Variants in GRAMD1B observed in about 807,000 individuals in gnomAD.
GRAMD1B encodes the protein protein Aster-B.
A neutral mutation model predicts 99.7 loss-of-function variants in GRAMD1B; 37 were observed. That is an observed-to-expected ratio of 0.37 (90% CI 0.29 to 0.49). The LOEUF (loss-of-function observed/expected upper bound fraction) is 0.49. Among genes scored for constraint, GRAMD1B ranks in the 20% least tolerant of loss-of-function variants. The pLI, the probability that GRAMD1B is intolerant of heterozygous loss-of-function variation, is 0.98. For missense variants in GRAMD1B, 888 were observed against 1,009.2 expected, an observed-to-expected ratio of 0.88 and a Z score of 1.63; for synonymous variants, 427 against 387.6, an observed-to-expected ratio of 1.10 and a Z score of -1.19.
chr11:123,420,048 T>C (rs1166283221), intron 1 of GRAMD1B, among the ~76,000 whole-genome samples: 1 of 152,190 alleles, frequency 6.6e-6, no homozygotes, highest in African/African-American at 2.4e-5. Context: ...CTGACTACAT[T>C]CTGGAAACAA....
intron 3 of GRAMD1B, among the ~76,000 whole-genome samples, chr11:123,578,112 G>T (rs1592098695): frequency 6.6e-6 from 1 of 152,290 alleles, no homozygotes; most frequent in Admixed American, 6.5e-5. Flanking sequence ...GAGTACCGGG[G>T]CCCTTGGCCC....
chr11:123,517,077 G>A (rs1022524231), intron 2 of GRAMD1B, among the ~76,000 whole-genome samples: 1 of 152,022 alleles, frequency 6.6e-6, no homozygotes, highest in Non-Finnish European at 1.5e-5. Context: ...ACACCACCAC[G>A]TCCAGCTAAT....
At chr11:123,373,307 A>G (rs1034748956) in intron 1 of GRAMD1B, among the ~76,000 whole-genome samples, 2 of 151,910 alleles carry the variant, frequency 1.3e-5, no homozygotes, top group East Asian at 3.9e-4. Context: ...TGAGATTTAG[A>G]TAGCACGGGC....
chr11:123,415,143 G>T (rs1256848834), intron 1 of GRAMD1B, among the ~76,000 whole-genome samples: 1 of 111,652 alleles, frequency 9.0e-6, no homozygotes, highest in African/African-American at 3.6e-5. Flanking sequence ...TGGCTCTGTC[G>T]CCAGGCTGGA....
At chr11:123,525,426 G>A (rs377196105) in intron 2 of GRAMD1B, among the ~76,000 whole-genome samples, 11 of 152,124 alleles carry the variant, frequency 7.2e-5, no homozygotes, top group Non-Finnish European at 1.5e-4. Context: ...CCCCTCCCCC[G>A]CAGGGGTGGG....
intron 1 of GRAMD1B, among the ~76,000 whole-genome samples, chr11:123,371,448 T>C (rs1387569601): frequency 1.3e-5 from 2 of 152,168 alleles, no homozygotes; most frequent in Non-Finnish European, 2.9e-5. Context: ...TTTTAAAGGT[T>C]GAGTTATTTT....
At chr11:123,452,645 C>CAA (rs556959788) in intron 1 of GRAMD1B, among the ~76,000 whole-genome samples, 2 of 142,880 alleles carry the variant, frequency 1.4e-5, no homozygotes, top group South Asian at 2.2e-4. Context: ...GACTCTGTCT[C>CAA]AAAAAAAAAA....
At chr11:123,537,297 TG>T (rs1189034495) in intron 2 of GRAMD1B, among the ~76,000 whole-genome samples, 1 of 152,208 alleles carries the variant, frequency 6.6e-6, no homozygotes, top group Non-Finnish European at 1.5e-5. Context: ...GACCTCTTTT[TG>T]GGCCCTTTCT....
intron 1 of GRAMD1B, among the ~76,000 whole-genome samples, chr11:123,416,837 G>A (rs1948247007): frequency 6.6e-6 from 1 of 152,172 alleles, no homozygotes; most frequent in African/African-American, 2.4e-5. Context: ...AGTGCTTTAT[G>A]TGTATTATCT....
intron 1 of GRAMD1B, among the ~76,000 whole-genome samples, chr11:123,443,509 C>T (rs1949503073): frequency 6.6e-6 from 1 of 151,838 alleles, no homozygotes; most frequent in African/African-American, 2.4e-5. Context: ...AAAGGTTGAA[C>T]AGTTCGAAGC....
intron 6 of GRAMD1B, 75 bp downstream of exon 6, chr11:123,594,913 T>A: frequency 1.3e-6 from 1 of 796,122 alleles, no homozygotes; most frequent in East Asian, 2.4e-5. Flanking sequence ...TTTCTTCCTT[T>A]TGCTGACTTC....
intron 2 of GRAMD1B, among the ~76,000 whole-genome samples, chr11:123,521,771 T>C (rs1334669908): frequency 6.6e-6 from 1 of 152,238 alleles, no homozygotes; most frequent in Non-Finnish European, 1.5e-5. Flanking sequence ...TGTAGTCCAC[T>C]GGGATCCACT....
intron 3 of GRAMD1B, among the ~76,000 whole-genome samples, chr11:123,579,283 C>T (rs1214473012): frequency 2.0e-5 from 3 of 152,140 alleles, no homozygotes; most frequent in African/African-American, 4.8e-5. Context: ...AAGGGGAAGC[C>T]GAGGATGACT....
intron 7 of GRAMD1B, chr11:123,597,950 A>C: frequency 8.9e-7 from 1 of 1,126,574 alleles, no homozygotes; most frequent in African/African-American, 1.5e-5. Context: ...ACACTAGAGC[A>C]GTCCTTGTTT....
intron 2 of GRAMD1B, among the ~76,000 whole-genome samples, chr11:123,519,199 T>C (rs1330491191): frequency 6.6e-6 from 1 of 152,136 alleles, no homozygotes; most frequent in African/African-American, 2.4e-5. Flanking sequence ...GGAGCTGACA[T>C]AGATGAATAG....
At chr11:123,540,796 TAAC>T (rs1480966141) in intron 2 of GRAMD1B, among the ~76,000 whole-genome samples, 1 of 152,166 alleles carries the variant, frequency 6.6e-6, no homozygotes, top group Non-Finnish European at 1.5e-5. Flanking sequence ...TTCTGATAAT[TAAC>T]AATATCTGAT....
chr11:123,409,279 C>G (rs902350410), intron 1 of GRAMD1B, among the ~76,000 whole-genome samples: 2 of 152,206 alleles, frequency 1.3e-5, no homozygotes, highest in Non-Finnish European at 2.9e-5. Flanking sequence ...CTCTGGTCCT[C>G]TTTTCTCATC....
chr11:123,453,236 A>T (rs1036405888), intron 1 of GRAMD1B, among the ~76,000 whole-genome samples: 2 of 152,110 alleles, frequency 1.3e-5, no homozygotes, highest in Admixed American at 6.5e-5. Flanking sequence ...ATGCAGAAAC[A>T]TAAACGTTTT....
chr11:123,412,970 T>C (rs917194715), intron 1 of GRAMD1B, among the ~76,000 whole-genome samples: 3 of 152,080 alleles, frequency 2.0e-5, no homozygotes, highest in African/African-American at 7.2e-5. Flanking sequence ...TTAGTAGCGA[T>C]GGGGTTTCAT....
Sources: allele counts gnomAD v4.1 joint callset (sites outside exome capture counted in the v4.1 genomes callset), GRCh38; gene constraint gnomAD v4.1.1; transcripts MANE v1.5; gene names NCBI Gene and HGNC (gene_info 2026-07-23, HGNC 2026-07-21).